CERS6: variants seen among roughly 807,000 people sequenced by gnomAD.
CERS6 encodes the protein ceramide synthase 6.
Under a neutral mutation model 56.8 loss-of-function variants are expected in CERS6, and 26 were observed. That is an observed-to-expected ratio of 0.46 (90% confidence interval 0.34 to 0.63). The LOEUF (loss-of-function observed/expected upper bound fraction) is 0.63. Among genes scored for constraint, CERS6 ranks in the 30% least tolerant of loss-of-function variants. The pLI is 0.01. For synonymous variants in CERS6, 164 were observed against 173.3 expected, an observed-to-expected ratio of 0.95 and a Z score of 0.42; for missense variants, 415 against 467.5, an observed-to-expected ratio of 0.89 and a Z score of 1.04.
chr2:168,683,262 G>A (rs1686264668), intron 4 of CERS6, among the ~76,000 whole-genome samples: 1 of 152,094 alleles, frequency 6.6e-6, no homozygotes, highest in Non-Finnish European at 1.5e-5. Context: ...AAGTATATAA[G>A]TGACCTTTGG....
intron 8 of CERS6, among the ~76,000 whole-genome samples, chr2:168,732,318 C>G (rs1683565217): frequency 6.6e-6 from 1 of 152,194 alleles, no homozygotes; most frequent in Non-Finnish European, 1.5e-5. Flanking sequence ...AGGACCACAT[C>G]TCATTCTCCC....
rs779248004 is a variant in CERS6 at position 168,665,693 on chromosome 2, CA to C, written c.466-25340del. The stretch of plus-strand genomic sequence containing the variant: ...AGCTCTGTGAGGCCAAGTATCTTTA[CA>C]TGTTCACTGCTGTATACTACATACC... On this transcript the variant is annotated intron_variant, in intron 4 of 9. Coordinates refer to ENST00000305747, the MANE Select transcript of CERS6 (RefSeq NM_203463.3). Among the ~76,000 whole-genome samples the C allele has an allele frequency of 8.2e-4, 121 of 147,308 alleles. 1 individual carries two copies. Among genetic ancestry groups the C allele is most frequent in the Non-Finnish European group, 1.6e-3 (106 of 67,376 alleles).
At chr2:168,522,421 C>G (rs1266107279) in intron 1 of CERS6, among the ~76,000 whole-genome samples, 2 of 152,132 alleles carry the variant, frequency 1.3e-5, no homozygotes, top group East Asian at 1.9e-4. Flanking sequence ...TTTGTTACTG[C>G]AAGTGTAATT....
intron 1 of CERS6, among the ~76,000 whole-genome samples, chr2:168,507,028 T>C (rs1164523196): frequency 1.3e-5 from 2 of 152,124 alleles, no homozygotes; most frequent in Non-Finnish European, 2.9e-5. Flanking sequence ...ATTTGTCCCA[T>C]GTGTGCACTG....
intron 6 of CERS6, among the ~76,000 whole-genome samples, chr2:168,707,369 T>C (rs3845721): frequency 0.33 from 50,519 of 152,130 alleles, 10,398 homozygotes; most frequent in Non-Finnish European, 0.45. Context: ...CAGACTGAAT[T>C]TTGGAGAAGG....
chr2:168,559,144 C>T (rs905068970), intron 2 of CERS6, among the ~76,000 whole-genome samples: 4 of 151,404 alleles, frequency 2.6e-5, no homozygotes, highest in Non-Finnish European at 5.9e-5. Flanking sequence ...TTCTCCTTCC[C>T]GTATTTTTGA....
At chr2:168,506,946 C>G (rs1694688866) in intron 1 of CERS6, among the ~76,000 whole-genome samples, 1 of 152,062 alleles carries the variant, frequency 6.6e-6, no homozygotes. Context: ...CGATTTCAAA[C>G]ACAGAAAAGT....
intron 1 of CERS6, among the ~76,000 whole-genome samples, chr2:168,499,748 G>A (rs1694545877): frequency 6.6e-6 from 1 of 152,080 alleles, no homozygotes; most frequent in Admixed American, 6.5e-5. Flanking sequence ...ACGTTTTGTG[G>A]TTTCATCAGC....
At chr2:168,703,402 C>CA (rs1686851595) in intron 6 of CERS6, among the ~76,000 whole-genome samples, 1 of 151,892 alleles carries the variant, frequency 6.6e-6, no homozygotes, top group South Asian at 2.1e-4. Flanking sequence ...ACTAAAAGTA[C>CA]AAAAAATTAG....
chr2:168,659,512 T>C (rs1376746643), intron 4 of CERS6, among the ~76,000 whole-genome samples: 2 of 152,336 alleles, frequency 1.3e-5, no homozygotes, highest in African/African-American at 2.4e-5. Flanking sequence ...AAATTTCTAC[T>C]TTAACTAGGT....
chr2:168,622,139 T>G (rs1445052388), intron 3 of CERS6, among the ~76,000 whole-genome samples: 1 of 152,170 alleles, frequency 6.6e-6, no homozygotes, highest in Non-Finnish European at 1.5e-5. Flanking sequence ...CAGAATCAGC[T>G]AAAGCTCCCC....
intron 1 of CERS6, among the ~76,000 whole-genome samples, chr2:168,466,714 G>A (rs1368487319): frequency 6.6e-6 from 1 of 151,948 alleles, no homozygotes; most frequent in Non-Finnish European, 1.5e-5. Flanking sequence ...TCTCTCTACT[G>A]GTCTTCAAAG....
chr2:168,758,279 A>G (rs922221024), intron 8 of CERS6, among the ~76,000 whole-genome samples: 2 of 152,190 alleles, frequency 1.3e-5, no homozygotes, highest in Non-Finnish European at 2.9e-5. Flanking sequence ...GAAGTAAACC[A>G]CACCCTAATT....
At chr2:168,740,033 G>T (rs1306281433) in intron 8 of CERS6, among the ~76,000 whole-genome samples, 1 of 152,096 alleles carries the variant, frequency 6.6e-6, no homozygotes, top group Non-Finnish European at 1.5e-5. Context: ...TGTTCCTTGA[G>T]CTCTCCAGGT....
intron 4 of CERS6, among the ~76,000 whole-genome samples, chr2:168,639,685 G>A (rs1010265483): frequency 2.0e-4 from 30 of 152,042 alleles, no homozygotes; most frequent in Admixed American, 2.0e-4. Context: ...GGATGGGGGT[G>A]GGGTGCTTAG....
chr2:168,530,641 T>C (rs188376350), intron 1 of CERS6, among the ~76,000 whole-genome samples: 85 of 152,368 alleles, frequency 5.6e-4, no homozygotes, highest in Non-Finnish European at 6.3e-4. Flanking sequence ...GTTTCTTTAA[T>C]AGTTGAAGTG....
At chr2:168,662,308 CTT>C (rs1267092359) in intron 4 of CERS6, among the ~76,000 whole-genome samples, 3 of 152,054 alleles carry the variant, frequency 2.0e-5, no homozygotes, top group Non-Finnish European at 4.4e-5. Flanking sequence ...ATACAGTAGT[CTT>C]TTTTGGCTAG....
intron 4 of CERS6, among the ~76,000 whole-genome samples, chr2:168,674,746 C>T (rs2105343304): frequency 6.6e-6 from 1 of 152,250 alleles, no homozygotes; most frequent in African/African-American, 2.4e-5. Context: ...AGCAGCTCGG[C>T]TCCATGTGAT....
intron 8 of CERS6, among the ~76,000 whole-genome samples, chr2:168,746,167 C>T (rs967543351): frequency 6.6e-6 from 1 of 152,168 alleles, no homozygotes; most frequent in Non-Finnish European, 1.5e-5. Context: ...GAGCTGCCCC[C>T]TCTTGCATGG....
Sources: allele counts gnomAD v4.1 joint callset (sites outside exome capture counted in the v4.1 genomes callset), GRCh38; gene constraint gnomAD v4.1.1; transcripts MANE v1.5; gene names NCBI Gene and HGNC (gene_info 2026-07-23, HGNC 2026-07-21).